Variants in MARCHF3 observed in about 807,000 individuals in gnomAD.
MARCHF3 encodes the protein membrane associated ring-CH-type finger 3.
Under a neutral mutation model 24.2 loss-of-function variants are expected in MARCHF3, and 13 were observed. The observed-to-expected ratio is 0.54, with a 90% CI of 0.35 to 0.85. The LOEUF (loss-of-function observed/expected upper bound fraction) is 0.85. MARCHF3 is among the 40% of genes least tolerant of loss of function. The pLI is 0.01. For missense variants in MARCHF3, 276 were observed against 325.0 expected (o/e 0.85, Z 1.16); for synonymous variants, 144 against 137.3 (o/e 1.05, Z -0.34).
At chr5:126,994,451 A>G (rs773141859) in intron 1 of MARCHF3, among the ~76,000 whole-genome samples, 2 of 152,198 alleles carry the variant, frequency 1.3e-5, no homozygotes, top group African/African-American at 4.8e-5. Context: ...ACATAACTGT[A>G]TGCATTTGTC....
chr5:126,950,550 T>A (rs1424494395), intron 1 of MARCHF3, among the ~76,000 whole-genome samples: 4 of 152,130 alleles, frequency 2.6e-5, no homozygotes, highest in Non-Finnish European at 5.9e-5. Context: ...TGACTCTGCC[T>A]CTCCAGCTGC....
intron 1 of MARCHF3, among the ~76,000 whole-genome samples, chr5:126,993,785 G>A (rs1041465607): frequency 6.6e-6 from 1 of 152,150 alleles, no homozygotes; most frequent in African/African-American, 2.4e-5. Flanking sequence ...ACCTGCAGCT[G>A]AGCCAGAACA....
chr5:126,994,824 A>C (rs1293402937), intron 1 of MARCHF3, among the ~76,000 whole-genome samples: 1 of 152,256 alleles, frequency 6.6e-6, no homozygotes, highest in African/African-American at 2.4e-5. Flanking sequence ...CCAAAACCTC[A>C]AAAGTAGGGA....
chr5:126,928,891 T>A (rs961019901), intron 1 of MARCHF3, among the ~76,000 whole-genome samples: 4 of 152,210 alleles, frequency 2.6e-5, no homozygotes. Flanking sequence ...TACTTCAGTA[T>A]GAATTTCTAA....
chr5:127,026,183 T>C (rs1463019219), intron 1 of MARCHF3, among the ~76,000 whole-genome samples: 1 of 152,206 alleles, frequency 6.6e-6, no homozygotes, highest in African/African-American at 2.4e-5. Flanking sequence ...AGCATTCTAC[T>C]ATAGTTTTTG....
intron 1 of MARCHF3, among the ~76,000 whole-genome samples, chr5:126,957,083 GT>G (rs139286895): frequency 0.38 from 58,360 of 151,800 alleles, 12,197 homozygotes; most frequent in Middle Eastern, 0.52. Context: ...TTTTATTAGA[GT>G]TTTTTTTGAC....
chr5:126,983,632 A>G (rs1211955324), intron 1 of MARCHF3, among the ~76,000 whole-genome samples: 1 of 152,170 alleles, frequency 6.6e-6, no homozygotes, highest in African/African-American at 2.4e-5. Flanking sequence ...CCTTGCTACC[A>G]ATTTATGATT....
At chr5:126,894,615 C>A (rs1444790178) in intron 3 of MARCHF3, among the ~76,000 whole-genome samples, 1 of 151,750 alleles carries the variant, frequency 6.6e-6, no homozygotes, top group African/African-American at 2.4e-5. Flanking sequence ...GAATATTGGC[C>A]CCCACTCTCT....
chr5:126,878,145 G>C, intron 4 of MARCHF3, 40 bp downstream of exon 4: 1 of 1,597,038 alleles, frequency 6.3e-7, no homozygotes. Flanking sequence ...GAGGCTGCCA[G>C]CTCCAAATGG....
chr5:127,025,023 A>G (rs1189710113), intron 1 of MARCHF3, among the ~76,000 whole-genome samples: 1 of 152,262 alleles, frequency 6.6e-6, no homozygotes, highest in East Asian at 1.9e-4. Context: ...TGAGCAATAA[A>G]TACATCATTA....
intron 3 of MARCHF3, among the ~76,000 whole-genome samples, chr5:126,885,668 A>C (rs1231658956): frequency 6.6e-6 from 1 of 152,224 alleles, no homozygotes; most frequent in Non-Finnish European, 1.5e-5. Context: ...AAATGATCTT[A>C]CAGTATTAGT....
chr5:126,981,662 T>C (rs545333608), intron 1 of MARCHF3, among the ~76,000 whole-genome samples: 13 of 152,372 alleles, frequency 8.5e-5, no homozygotes, highest in African/African-American at 2.4e-4. Flanking sequence ...GAGAGATTTA[T>C]GCTTGTGCAT....
intron 1 of MARCHF3, among the ~76,000 whole-genome samples, chr5:126,921,590 T>C (rs553590992): frequency 2.0e-5 from 3 of 152,310 alleles, no homozygotes; most frequent in South Asian, 2.1e-4. Flanking sequence ...CAGTCGAGCA[T>C]GGGTCTTCTA....
At chr5:126,881,272 G>C (rs1753332318) in intron 3 of MARCHF3, among the ~76,000 whole-genome samples, 1 of 151,986 alleles carries the variant, frequency 6.6e-6, no homozygotes, top group South Asian at 2.1e-4. Flanking sequence ...TACTTTACAT[G>C]GTACTATTAT....
At chr5:126,933,508 G>T (rs889977867) in intron 1 of MARCHF3, among the ~76,000 whole-genome samples, 1 of 150,296 alleles carries the variant, frequency 6.7e-6, no homozygotes, top group South Asian at 2.1e-4. Flanking sequence ...GCAGTGGTGC[G>T]ATCTCGGCTC....
intron 1 of MARCHF3, among the ~76,000 whole-genome samples, chr5:127,017,565 G>C (rs1481609255): frequency 6.6e-6 from 1 of 152,006 alleles, no homozygotes; most frequent in East Asian, 1.9e-4. Context: ...GCTTACCATG[G>C]GGCAATCTCA....
Position 126,878,353 on chromosome 5 carries a change from CAG to C in MARCHF3, c.433_434del (p.Leu145ValfsTer32), listed in dbSNP as rs1276944509. The C allele has an allele frequency of 5.6e-6, 9 of 1,614,112 alleles. No homozygotes were observed. The highest frequency in any genetic ancestry group is 6.8e-6 in the Non-Finnish European group (8 of 1,180,000). ...NPGPQHEKRT[L>X]FGDMVCFLFI... ...ACAAGAAGCACACCATGTCGCCAAA[CAG>C]AGTCCGCTTCTCATGCTGGGGGCCA... On this transcript the variant is annotated frameshift_variant, in exon 4 of 5. Coordinates refer to ENST00000308660, the MANE Select transcript of MARCHF3 (RefSeq NM_178450.5). LOFTEE classifies it high-confidence loss of function.
intron 3 of MARCHF3, among the ~76,000 whole-genome samples, chr5:126,903,829 T>C (rs1225902559): frequency 6.6e-6 from 1 of 152,064 alleles, no homozygotes; most frequent in Non-Finnish European, 1.5e-5. Flanking sequence ...TTTATTATTA[T>C]ACTTTTAAGT....
intron 1 of MARCHF3, among the ~76,000 whole-genome samples, chr5:126,973,664 G>A (rs141876209): frequency 6.6e-6 from 1 of 152,218 alleles, no homozygotes; most frequent in African/African-American, 2.4e-5. Flanking sequence ...CTTCAGTAGT[G>A]CTAGGAAAGA....
Sources: gnomAD v4.1 joint callset for allele counts (sites outside exome capture counted in the v4.1 genomes callset) on GRCh38, gnomAD v4.1.1 for gene constraint, MANE v1.5 for transcripts, NCBI Gene and HGNC (gene_info 2026-07-23, HGNC 2026-07-21) for gene names.